LAT2: variants seen among roughly 807,000 people sequenced by gnomAD.
LAT2 encodes linker for activation of T cells family member 2.
A neutral mutation model predicts 43.4 loss-of-function variants in LAT2; 23 were observed. The observed-to-expected ratio is 0.53, with a 90% CI of 0.38 to 0.75. The LOEUF is 0.75. LAT2 is among the 30% of genes least tolerant of loss of function. The pLI is 0.00. For missense variants in LAT2, 284 were observed against 310.2 expected (o/e 0.92, Z 0.64); for synonymous variants, 128 against 123.2 (o/e 1.04, Z -0.26).
chr7:74,224,527 G>C (rs539346893), intron 12 of LAT2, 112 bp from the exon 13 acceptor site: 2 of 879,120 alleles, frequency 2.3e-6, no homozygotes, highest in Admixed American at 4.1e-5. Flanking sequence ...CCTGTCGGGC[G>C]TGGCATTTCC....
At chr7:74,227,084 C>A (rs1554716219) in intron 13 of LAT2, among the ~76,000 whole-genome samples, 1 of 150,962 alleles carries the variant, frequency 6.6e-6, no homozygotes, top group African/African-American at 2.4e-5. Context: ...TCCTGTCGCC[C>A]AGGCTGAAGT....
rs1289911909 is a variant in LAT2, at chr7:74,224,099, G to A, written c.530G>A (p.Gly177Asp). 11 of 1,614,044 alleles carry A rather than the reference G, an allele frequency of 6.8e-6. No homozygotes were observed. The highest frequency in any genetic ancestry group is 9.3e-6 in the Non-Finnish European group (11 of 1,180,028). ...SLALKTGPTS[G>D]LCPSASPEED... ...GCCCTGAAGACTGGCCCCACTTCTG[G>A]TCTCTGTCCCTCTGCCTCCCCGGAA... Residue 177 changes from glycine to aspartate, a missense_variant, in exon 12 of 14, where the codon GGT (glycine) becomes GAT (aspartate). Coordinates refer to ENST00000460943, the MANE Select transcript of LAT2 (RefSeq NM_032464.3).
chr7:74,228,095 G>T (rs573479773), intron 13 of LAT2, among the ~76,000 whole-genome samples: 1 of 133,994 alleles, frequency 7.5e-6, no homozygotes, highest in South Asian at 2.6e-4. Context: ...AGAATCACTT[G>T]AACCTGGAAG....
chr7:74,220,063 C>A lies in LAT2; in HGVS notation c.227+55C>A. 6.3e-7 allele frequency: 1 copy of A among 1,599,190 alleles called. No homozygotes were observed. Among genetic ancestry groups the A allele is most frequent in the Non-Finnish European group, 8.5e-7 (1 of 1,170,610 alleles). ...GAATGAAAGTCCTGGAGGTCCTCACCTGGTGAGCCCAGGTCAAGACCTCCC... is the reference window on the plus strand; with the variant it reads ...GAATGAAAGTCCTGGAGGTCCTCACATGGTGAGCCCAGGTCAAGACCTCCC... On this transcript the variant is annotated intron_variant, in intron 6 of 13. Transcript: ENST00000460943. The surrounding 1 kb of genome is among the most constrained non-coding windows in gnomAD (Gnocchi z 4.5).
At position 74,224,747 on chromosome 7, in the gene LAT2, G is replaced by T; in HGVS notation, c.*5G>T. 2 of 1,579,332 alleles carry T rather than the reference G, an allele frequency of 1.3e-6. No individual in the cohort carries two copies. Among genetic ancestry groups the T allele is most frequent in the East Asian group, 2.3e-5 (1 of 43,862 alleles). ...GTGGCAGCCACAGAAGCCTAGGGCAGACCAAGAAGAAAGGTACAGCCCCTG... is the reference window on the plus strand; with the variant it reads ...GTGGCAGCCACAGAAGCCTAGGGCATACCAAGAAGAAAGGTACAGCCCCTG... On this transcript the variant is annotated 3_prime_UTR_variant, in exon 13 of 14. Transcript: ENST00000460943.
In LAT2 at chr7:74,220,508, C is replaced by A; in HGVS notation, c.266-76C>A. The A allele has an allele frequency of 1.9e-6, 3 of 1,582,916 alleles. No homozygotes were observed. The Admixed American group carries it at 5.1e-5, about 27-fold the overall frequency. On this transcript the variant is annotated intron_variant, in intron 7 of 13. Coordinates refer to ENST00000460943, the MANE Select transcript of LAT2 (RefSeq NM_032464.3). This position sits in a 1 kb window ranked among gnomAD's most constrained non-coding sequence, Gnocchi z 4.5. ...CAGACACGGGAAATAGCTGGCCCTGCCTTGGGCTGCAGCACCCGAGCTGGG... is the reference window on the plus strand; with the variant it reads ...CAGACACGGGAAATAGCTGGCCCTGACTTGGGCTGCAGCACCCGAGCTGGG...
At position 74,220,142 on chromosome 7, in the gene LAT2, G is replaced by A. The variant is rs1802208250; in HGVS notation, c.228-75G>A. 6.4e-7 allele frequency: 1 copy of A among 1,561,754 alleles called. No individual in the cohort carries two copies. Among genetic ancestry groups the A allele is most frequent in the Non-Finnish European group, 8.7e-7 (1 of 1,144,280 alleles). ...CTCAGCTATGAAGGCCCCACAAGGG[G>A]TATGGGGGGATGTGTCCTGGGGGGC... On this transcript the variant is annotated intron_variant, in intron 6 of 13. Transcript: ENST00000460943. The surrounding 1 kb of genome is among the most constrained non-coding windows in gnomAD (Gnocchi z 4.5).
intron 1 of LAT2, 109 bp downstream of exon 1, chr7:74,210,197 C>G (rs533746811): frequency 6.6e-6 from 1 of 152,600 alleles, no homozygotes; most frequent in Admixed American, 6.5e-5. Context: ...GGCGCCCCCT[C>G]CCGCAGCCCC....
At chr7:74,223,923 A>G in intron 11 of LAT2, 95 bp from the exon 12 acceptor site, 6 of 1,490,150 alleles carry the variant, frequency 4.0e-6, no homozygotes, top group Non-Finnish European at 4.6e-6. Flanking sequence ...ACCTTTCGGT[A>G]GAGCCTTGCC....
At position 74,218,998 on chromosome 7, in the gene LAT2, T is replaced by TGACC. The variant is rs201640736; in HGVS notation, c.135-746_135-745insGACC. Among the ~76,000 whole-genome samples, 546 of 143,436 alleles carry TGACC rather than the reference T, an allele frequency of 3.8e-3. 6 individuals are homozygous for TGACC. Among genetic ancestry groups the TGACC allele is most frequent in the African/African-American group, 0.014 (528 of 38,938 alleles). The allele number at this position is 143,436 out of a possible 152,430, so 94.1% of individuals were successfully genotyped here. On this transcript the variant is annotated intron_variant, in intron 4 of 13. Coordinates refer to ENST00000460943, the MANE Select transcript of LAT2 (RefSeq NM_032464.3). Reference sequence around the variant, plus strand: ...CAGGTGTGAGCCACCATGCCGGGTCTAGAGTGTGTGCTTTTTTTTTTTTTT... The same window carrying TGACC: ...CAGGTGTGAGCCACCATGCCGGGTCTGACCAGAGTGTGTGCTTTTTTTTTTTTTT...
chr7:74,227,801 G>A (rs1305549740), intron 13 of LAT2, among the ~76,000 whole-genome samples: 3 of 152,086 alleles, frequency 2.0e-5, no homozygotes, highest in African/African-American at 7.2e-5. Flanking sequence ...GAGTCTAGGA[G>A]GTTGAGCTGC....
chr7:74,219,876 C>T, intron 5 of LAT2, 84 bp from the exon 6 acceptor site: 1 of 1,611,946 alleles, frequency 6.2e-7, no homozygotes, highest in Non-Finnish European at 8.5e-7. Flanking sequence ...AGACCGTGGC[C>T]AGGCCTGATG....
At chr7:74,214,539 T>A (rs182918084) in intron 1 of LAT2, among the ~76,000 whole-genome samples, 241 of 1,138 alleles carry the variant, frequency 0.21, 78 homozygotes, top group Admixed American at 0.38. Context: ...TATATATGAA[T>A]ATATATATAT....
intron 12 of LAT2, 54 bp from the exon 13 acceptor site, chr7:74,224,585 C>A: frequency 6.8e-7 from 1 of 1,462,986 alleles, no homozygotes; most frequent in South Asian, 1.2e-5. Context: ...GGGGAGCAGT[C>A]ATGGGTGTCT....
chr7:74,223,068 A>G (rs1802351248), intron 10 of LAT2, among the ~76,000 whole-genome samples: 1 of 152,184 alleles, frequency 6.6e-6, no homozygotes, highest in Non-Finnish European at 1.5e-5. Flanking sequence ...CCTTCCCGGC[A>G]GTGGCTCTAG....
In LAT2 at chr7:74,215,979, A is replaced by G. The variant is rs1802025558; in HGVS notation, c.4A>G (p.Ser2Gly). 3 of 1,614,056 alleles carry G rather than the reference A, an allele frequency of 1.9e-6. No individual in the cohort carries two copies. The highest frequency in any genetic ancestry group is 2.5e-6 in the Non-Finnish European group (3 of 1,179,982). Residue 2 changes from serine (S) to glycine (G), a missense_variant, in exon 3 of 14, where the codon AGC becomes GGC. Transcript: ENST00000460943. MSSGTELLWPGA... is the reference protein window; with the variant it reads MGSGTELLWPGA... Reference sequence around the variant, plus strand: ...AGAGGCAACACCAGGAGCCAACATGAGCTCGGGGACTGAACTGCTGTGGCC... The same window carrying G: ...AGAGGCAACACCAGGAGCCAACATGGGCTCGGGGACTGAACTGCTGTGGCC...
chr7:74,229,021 C>G lies in LAT2; in HGVS notation c.*96C>G, dbSNP rs559905165. On this transcript the variant is annotated 3_prime_UTR_variant, in exon 14 of 14. Transcript: ENST00000460943. Reference sequence around the variant, plus strand: ...AGGACCATTTCCCAGAGCTACTCAACTTTTAAGCCCCTGCCATGGTTGCTC... The same window carrying G: ...AGGACCATTTCCCAGAGCTACTCAAGTTTTAAGCCCCTGCCATGGTTGCTC... 6.6e-6 allele frequency: 1 copy of G among 152,288 alleles called. No individual in the cohort carries two copies. The highest frequency in any genetic ancestry group is 1.5e-5 in the Non-Finnish European group (1 of 68,130). The allele number at this position is 152,288 out of a possible 1,614,324, so 9.4% of individuals were successfully genotyped here. A position where few individuals can be genotyped will look rare whatever the true frequency, so the allele number is the denominator to read the frequency against.
intron 13 of LAT2, among the ~76,000 whole-genome samples, chr7:74,228,642 A>AC: frequency 6.7e-6 from 1 of 149,040 alleles, no homozygotes; most frequent in East Asian, 2.0e-4. Flanking sequence ...AAAAAAAAAA[A>AC]AAAAATTAGC....
intron 13 of LAT2, among the ~76,000 whole-genome samples, chr7:74,226,952 G>C (rs1802511682): frequency 6.6e-6 from 1 of 151,916 alleles, no homozygotes; most frequent in African/African-American, 2.4e-5. Flanking sequence ...GAAACTAGTG[G>C]AGGTCGAGGC....
Sources: allele counts gnomAD v4.1 joint callset (sites outside exome capture counted in the v4.1 genomes callset), GRCh38; gene constraint gnomAD v4.1.1; non-coding constraint Gnocchi (gnomAD v3.1); transcripts MANE v1.5; gene names NCBI Gene and HGNC (gene_info 2026-07-23, HGNC 2026-07-21).